KDM6A: variants seen among roughly 807,000 people sequenced by gnomAD.
KDM6A encodes lysine-specific demethylase 6A.
In KDM6A, 11 loss-of-function variants were observed where a neutral mutation model predicts 117.6. The observed-to-expected ratio is 0.09, with a 90% CI of 0.06 to 0.15. The LOEUF is 0.15. Ranked by LOEUF, KDM6A falls within the 10% of genes least tolerant of loss-of-function variation. KDM6A has a pLI of 1.00. For missense variants in KDM6A, 799 were observed against 1,077.3 expected, an observed-to-expected ratio of 0.74 and a Z score of 3.62; for synonymous variants, 384 against 396.1, an observed-to-expected ratio of 0.97 and a Z score of 0.36.
chrX:44,948,209 A>C (rs2037774861), intron 2 of KDM6A, among the ~76,000 whole-genome samples: 1 of 111,856 alleles, frequency 8.9e-6, no homozygotes, highest in African/African-American at 3.3e-5. Flanking sequence ...GGCTCTTAAG[A>C]TTGGTACATA....
intron 2 of KDM6A, among the ~76,000 whole-genome samples, chrX:44,944,890 A>T (rs2037542326): frequency 9.0e-6 from 1 of 111,495 alleles, no homozygotes; most frequent in Admixed American, 9.5e-5. Context: ...ATTACCCATG[A>T]GCTACCATTT....
intron 27 of KDM6A, among the ~76,000 whole-genome samples, chrX:45,101,328 G>A (rs1256602709): frequency 9.0e-6 from 1 of 111,603 alleles, no homozygotes; most frequent in Middle Eastern, 4.2e-3. Context: ...TGACTGTTAT[G>A]TGAGTCTTAG....
intron 3 of KDM6A, among the ~76,000 whole-genome samples, chrX:44,967,018 C>T (rs754517566): frequency 4.6e-5 from 5 of 109,608 alleles, no homozygotes; most frequent in Middle Eastern, 4.7e-3. Flanking sequence ...TACAGGCGCC[C>T]GCCACCACGC....
At chrX:44,989,662 G>A (rs1013086764) in intron 4 of KDM6A, among the ~76,000 whole-genome samples, 1 of 112,261 alleles carries the variant, frequency 8.9e-6, no homozygotes, top group Non-Finnish European at 1.9e-5. Context: ...TGCTTTGTTT[G>A]AGGGGTTTGG....
chrX:44,913,298 G>GTTTTTTTTTTTTTTTTTTTTTTTGTT (rs11449898), intron 2 of KDM6A, among the ~76,000 whole-genome samples: 1 of 86,534 alleles, frequency 1.2e-5, no homozygotes. Context: ...TGTGTTAACT[G>GTTTTTTTTTTTTTTTTTTTTTTTGTT]TTTTTTTTTT....
chrX:44,959,652 A>G, intron 2 of KDM6A, among the ~76,000 whole-genome samples: 1 of 111,487 alleles, frequency 9.0e-6, no homozygotes. Context: ...TAAGAATTGT[A>G]ATGTATCCCA....
chrX:44,992,071 A>G (rs2040616462), intron 4 of KDM6A, among the ~76,000 whole-genome samples: 1 of 110,867 alleles, frequency 9.0e-6, no homozygotes, highest in Admixed American at 9.7e-5. Flanking sequence ...TCCTGGGTAT[A>G]CTTTAGAGTA....
chrX:44,963,499 C>CTGTCTGTCTGTCTGTCTG (rs796328734), intron 3 of KDM6A, among the ~76,000 whole-genome samples: 1 of 81,137 alleles, frequency 1.2e-5, no homozygotes, highest in Non-Finnish European at 2.2e-5. Flanking sequence ...GTCTGTCTGT[C>CTGTCTGTCTGTCTGTCTG]TCTGTCTGTC....
intron 3 of KDM6A, among the ~76,000 whole-genome samples, chrX:44,973,900 C>T (rs183966361): frequency 2.3e-4 from 25 of 110,932 alleles, no homozygotes; most frequent in Non-Finnish European, 2.5e-4. Flanking sequence ...GCACACACCC[C>T]CTTTTCATCC....
At chrX:45,088,991 C>T (rs2045774209) in intron 25 of KDM6A, among the ~76,000 whole-genome samples, 1 of 111,801 alleles carries the variant, frequency 8.9e-6, no homozygotes, top group South Asian at 3.7e-4. Flanking sequence ...TCCTTTTCCT[C>T]AGAAATTAAG....
chrX:44,992,948 AC>A (rs1216349165), intron 4 of KDM6A, among the ~76,000 whole-genome samples: 2 of 112,040 alleles, frequency 1.8e-5, no homozygotes, highest in Non-Finnish European at 3.8e-5. Context: ...GCCTATGCAT[AC>A]TCATCTTTGT....
At chrX:45,044,745 C>T (rs2043448554) in intron 8 of KDM6A, among the ~76,000 whole-genome samples, 1 of 111,590 alleles carries the variant, frequency 9.0e-6, no homozygotes, top group East Asian at 2.8e-4. Flanking sequence ...TGCATCATAT[C>T]CCTTTACATA....
intron 4 of KDM6A, among the ~76,000 whole-genome samples, chrX:44,986,637 C>T (rs1183018419): frequency 1.8e-5 from 2 of 111,391 alleles, no homozygotes; most frequent in Non-Finnish European, 3.8e-5. Context: ...TTTCAAAGAA[C>T]ATCTTTATTT....
intron 2 of KDM6A, among the ~76,000 whole-genome samples, chrX:44,878,724 TG>T (rs2031936280): frequency 9.0e-6 from 1 of 110,815 alleles, no homozygotes; most frequent in African/African-American, 3.3e-5. Context: ...AGATACTTTT[TG>T]TTTTTTTTTT....
At position 44,950,829 on chromosome X, in the gene KDM6A, C is replaced by T. The variant is rs1420405734; in HGVS notation, c.226-10455C>T. Among the ~76,000 whole-genome samples, 4 of 110,449 alleles carry T rather than the reference C, an allele frequency of 3.6e-5. No homozygotes were observed. The South Asian group carries it at 1.5e-3, about 42-fold the overall frequency. On this transcript the variant is annotated intron_variant, in intron 2 of 29. Transcript: ENST00000611820. ...TTTAATTCATAGTACCCTCCCTTCCCCCTTTTTCCTTTTTCTCCTTTTTTT... is the reference window on the plus strand; with the variant it reads ...TTTAATTCATAGTACCCTCCCTTCCTCCTTTTTCCTTTTTCTCCTTTTTTT...
At chrX:45,046,306 A>G (rs1386887828) in intron 8 of KDM6A, among the ~76,000 whole-genome samples, 3 of 112,089 alleles carry the variant, frequency 2.7e-5, no homozygotes, top group South Asian at 3.6e-4. Flanking sequence ...TTATCGTGAT[A>G]AAATGCATAT....
intron 2 of KDM6A, among the ~76,000 whole-genome samples, chrX:44,958,562 A>G (rs956893045): frequency 6.4e-5 from 7 of 109,400 alleles, no homozygotes; most frequent in Non-Finnish European, 1.3e-4. Context: ...AGTAAAATGA[A>G]CAAAATACAA....
chrX:45,089,542 A>G (rs1441900815), intron 25 of KDM6A, among the ~76,000 whole-genome samples: 1 of 110,547 alleles, frequency 9.0e-6, no homozygotes, highest in Non-Finnish European at 1.9e-5. Flanking sequence ...AAAAAAAAAA[A>G]GTAACACTGA....
intron 5 of KDM6A, among the ~76,000 whole-genome samples, chrX:45,013,596 T>G (rs1057137373): frequency 4.5e-5 from 5 of 112,040 alleles, no homozygotes; most frequent in Non-Finnish European, 9.4e-5. Context: ...CTGAATGATA[T>G]AAGGACAATG....
Sources: allele counts gnomAD v4.1 joint callset (sites outside exome capture counted in the v4.1 genomes callset), GRCh38; gene constraint gnomAD v4.1.1; transcripts MANE v1.5; gene names NCBI Gene and HGNC (gene_info 2026-07-23, HGNC 2026-07-21).